The following POLR3E variants were observed in gnomAD, a reference collection of about 807,000 sequenced individuals.
The protein encoded by POLR3E is DNA-directed RNA polymerase III subunit RPC5.
A neutral mutation model predicts 96.6 loss-of-function variants in POLR3E; 41 were observed. That is an observed-to-expected ratio of 0.42 (90% CI 0.33 to 0.55). The LOEUF is 0.55. Among genes scored for constraint, POLR3E ranks in the 20% least tolerant of loss-of-function variants. The pLI is 0.06. For missense variants in POLR3E, 849 were observed against 952.1 expected, an observed-to-expected ratio of 0.89 and a Z score of 1.43; for synonymous variants, 396 against 383.6, an observed-to-expected ratio of 1.03 and a Z score of -0.38.
intron 12 of POLR3E, among the ~76,000 whole-genome samples, chr16:22,318,000 C>T (rs1006285132): frequency 2.0e-5 from 3 of 152,016 alleles, no homozygotes; most frequent in African/African-American, 7.3e-5. Context: ...CTGGGCTCGT[C>T]CTTTGAGATG....
In POLR3E at chr16:22,313,621, T is replaced by C; in HGVS notation, c.366T>C (p.Gly122=). ...TCCAAGCCCTTCTTCCTCCGCCAGG[T>C]GAGCTCCACCTGACACCTTTACATG... The part of the protein sequence containing the change: ...SRYAAALYRQ[G]ELHLTPLHGI... Residue 122 remains glycine, a splice_region_variant and synonymous_variant, in exon 7 of 21, where the codon GGT becomes GGC. Coordinates refer to ENST00000299853, the MANE Select transcript of POLR3E (RefSeq NM_018119.4). The surrounding 1 kb of genome is among the most constrained non-coding windows in gnomAD (Gnocchi z 4.1). 6.2e-7 allele frequency: 1 copy of C among 1,609,914 alleles called. No homozygotes were observed. The highest frequency in any genetic ancestry group is 8.5e-7 in the Non-Finnish European group (1 of 1,176,274).
rs769664423 is a variant in POLR3E, at chr16:22,305,336, T to C, written c.87+130T>C. ...TCGGTGTGGAGAGTGTCATGGGGTCTCTTTGCTTTCGTGGGTGGGTTAATA... is the reference window on the plus strand; with the variant it reads ...TCGGTGTGGAGAGTGTCATGGGGTCCCTTTGCTTTCGTGGGTGGGTTAATA... On this transcript the variant is annotated intron_variant, in intron 3 of 20. Coordinates refer to ENST00000299853, the MANE Select transcript of POLR3E (RefSeq NM_018119.4). 17 of 768,232 alleles carry C rather than the reference T, an allele frequency of 2.2e-5. No homozygotes were observed. The South Asian group carries it at 2.3e-4, about 11-fold the overall frequency. The allele number at this position is 768,232 out of a possible 1,614,324, so 47.6% of individuals were successfully genotyped here. A position where few individuals can be genotyped will look rare whatever the true frequency, so the allele number is the denominator to read the frequency against.
chr16:22,302,710 C>T (rs141261021), intron 1 of POLR3E: 35 of 539,034 alleles, frequency 6.5e-5, no homozygotes, highest in African/African-American at 6.1e-4. Context: ...CTTGGTCTAC[C>T]CGCTTGCACC....
chr16:22,332,145 G>T lies in POLR3E; in HGVS notation c.2030G>T (p.Gly677Val). Residue 677 changes from glycine (G) to valine (V), a missense_variant, in exon 20 of 21, where the codon GGA becomes GTA. Coordinates refer to ENST00000299853, the MANE Select transcript of POLR3E (RefSeq NM_018119.4). ...CAGTCTCGGTTGACTCAAGAGTGTG[G>T]AGAAGATCTCAGTAAACAGGAGGTG... Reference protein sequence around the residue: ...MIQSRLTQECGEDLSKQEVDK... With the variant: ...MIQSRLTQECVEDLSKQEVDK... 6.2e-7 allele frequency: 1 copy of T among 1,613,664 alleles called. No homozygotes were observed. Among genetic ancestry groups the T allele is most frequent in the Non-Finnish European group, 8.5e-7 (1 of 1,179,620 alleles).
chr16:22,303,553 G>A (rs572063145), intron 2 of POLR3E, among the ~76,000 whole-genome samples: 1 of 152,048 alleles, frequency 6.6e-6, no homozygotes, highest in East Asian at 1.9e-4. Context: ...GCAGGGCAGG[G>A]TCCCCTTCCC....
rs2048818167 is a variant in POLR3E at position 22,334,880 on chromosome 16, C to G, written c.*1180C>G. On this transcript the variant is annotated 3_prime_UTR_variant, in exon 21 of 21. Coordinates refer to ENST00000299853, the MANE Select transcript of POLR3E (RefSeq NM_018119.4). Reference sequence around the variant, plus strand: ...GGCTTTCGCCATCTTTTTTGTACAACACAGTCACTAATTGTCTGAAGGTTT... The same window carrying G: ...GGCTTTCGCCATCTTTTTTGTACAAGACAGTCACTAATTGTCTGAAGGTTT... 1 of 152,162 alleles carries G rather than the reference C, an allele frequency of 6.6e-6. No individual in the cohort carries two copies. The allele number at this position is 152,162 out of a possible 1,614,324, so 9.4% of individuals were successfully genotyped here. A position where few individuals can be genotyped will look rare whatever the true frequency, so the allele number is the denominator to read the frequency against.
intron 3 of POLR3E, among the ~76,000 whole-genome samples, chr16:22,307,918 C>A (rs1192611354): frequency 6.6e-6 from 1 of 152,116 alleles, no homozygotes; most frequent in East Asian, 1.9e-4. Context: ...TCAGAGACAT[C>A]CTGCAGTGGC....
chr16:22,314,238 CT>C (rs1281038531), intron 8 of POLR3E, 110 bp downstream of exon 8: 7 of 828,224 alleles, frequency 8.5e-6, no homozygotes, highest in African/African-American at 1.7e-5. Flanking sequence ...AGGGCCCATG[CT>C]TTTGAGCCTT....
At position 22,314,198 on chromosome 16, in the gene POLR3E, G is replaced by A. The variant is rs1050072639; in HGVS notation, c.522+70G>A. ...GCAGGACCAGAGACCAAGGGGTAGC[G>A]GGTCTTCACAGAATGCAGGTGGAGC... On this transcript the variant is annotated intron_variant, in intron 8 of 20. Coordinates refer to ENST00000299853, the MANE Select transcript of POLR3E (RefSeq NM_018119.4). 12 of 1,256,622 alleles carry A rather than the reference G, an allele frequency of 9.5e-6. No individual in the cohort carries two copies. In the African/African-American group the frequency reaches 1.0e-4, roughly 11 times the overall value. 77.8% of individuals were successfully genotyped at this position (1,256,622 alleles called of 1,614,324 possible).
chr16:22,331,785 A>G (rs1598280882), intron 19 of POLR3E: 2 of 287,680 alleles, frequency 7.0e-6, no homozygotes, highest in East Asian at 1.7e-4. Context: ...TCTCTTCACC[A>G]GTTCTTTTGT....
chr16:22,308,781 A>T, intron 4 of POLR3E, 144 bp from the exon 5 acceptor site: 1 of 601,180 alleles, frequency 1.7e-6, no homozygotes, highest in Non-Finnish European at 3.0e-6. Context: ...TGTGGACTGA[A>T]GTCCAGGGGC....
chr16:22,316,745 T>C, intron 10 of POLR3E, 59 bp downstream of exon 10: 1 of 1,345,200 alleles, frequency 7.4e-7, no homozygotes, highest in Non-Finnish European at 1.1e-6. Context: ...CCAGGGGTCC[T>C]TGGTGTGGAT....
Position 22,322,160 on chromosome 16 carries a change from T to C in POLR3E, c.987-690T>C, listed in dbSNP as rs1394258027. On this transcript the variant is annotated intron_variant, in intron 13 of 20. Transcript: ENST00000299853. The surrounding 1 kb of genome is among the most constrained non-coding windows in gnomAD (Gnocchi z 5.2). ...GCCTTGCAGGATGAGTGACAGTTGG[T>C]TGCCAGGTGGACCTGAGCAGGGGGA... 6.6e-6 allele frequency among the ~76,000 whole-genome samples: 1 copy of C among 152,134 alleles called. No individual in the cohort carries two copies. Among genetic ancestry groups the C allele is most frequent in the Non-Finnish European group, 1.5e-5 (1 of 68,016 alleles).
chr16:22,306,200 G>A (rs2048129261), intron 3 of POLR3E, among the ~76,000 whole-genome samples: 2 of 152,152 alleles, frequency 1.3e-5, no homozygotes, highest in African/African-American at 2.4e-5. Context: ...TTTGCATGAT[G>A]TTTTCAGGGC....
Position 22,302,984 on chromosome 16 carries a change from G to A in POLR3E, c.16G>A (p.Asp6Asn). 1 of 1,614,062 alleles carries A rather than the reference G, an allele frequency of 6.2e-7. No homozygotes were observed. The highest frequency in any genetic ancestry group is 2.2e-5 in the East Asian group (1 of 44,876). Residue 6 changes from aspartate to asparagine, a missense_variant, in exon 2 of 21, where the codon GAT becomes AAT. Asp to Asn is a conservative substitution (Grantham distance 23). Coordinates refer to ENST00000299853, the MANE Select transcript of POLR3E (RefSeq NM_018119.4). ...CTCCTCTAGTATGGCCAATGAAGAG[G>A]ATGACCCAGTTGTACAGGAGGTAAC... Reference protein sequence around the residue: MANEEDDPVVQEIDVY... With the variant: MANEENDPVVQEIDVY...
At position 22,324,431 on chromosome 16, in the gene POLR3E, G is replaced by C; in HGVS notation, c.1128+18G>C. The C allele has an allele frequency of 1.2e-6, 2 of 1,611,604 alleles. No homozygotes were observed. Among genetic ancestry groups the C allele is most frequent in the Non-Finnish European group, 1.7e-6 (2 of 1,178,844 alleles). On this transcript the variant is annotated intron_variant, in intron 15 of 20. Coordinates refer to ENST00000299853, the MANE Select transcript of POLR3E (RefSeq NM_018119.4). Reference sequence around the variant, plus strand: ...TGACCAAAGTAAGTGGCGTTTTTGTGGTCTGAGGCCCAGGCTGCTGCTGGA... The same window carrying C: ...TGACCAAAGTAAGTGGCGTTTTTGTCGTCTGAGGCCCAGGCTGCTGCTGGA...
At chr16:22,323,815 A>G (rs899461351) in intron 14 of POLR3E, among the ~76,000 whole-genome samples, 2 of 152,088 alleles carry the variant, frequency 1.3e-5, no homozygotes, top group East Asian at 3.9e-4. Flanking sequence ...GGTCCAGTCT[A>G]TGTTAGCGTA....
Position 22,318,849 on chromosome 16 carries a change from TTGA to T in POLR3E, c.893_895del (p.Met298del), listed in dbSNP as rs1221700752. 1 of 1,613,528 alleles carries T rather than the reference TTGA, an allele frequency of 6.2e-7. No individual in the cohort carries two copies. Among genetic ancestry groups the T allele is most frequent in the Non-Finnish European group, 8.5e-7 (1 of 1,179,626 alleles). ...AGTGAAGGTCATGCCTTTTGCCAAC[TTGA>T]TGAGCCTCCTGGGCCCCTCCATCGA... On this transcript the variant is annotated inframe_deletion, in exon 13 of 21. Coordinates refer to ENST00000299853, the MANE Select transcript of POLR3E (RefSeq NM_018119.4). The surrounding 1 kb of genome is among the most constrained non-coding windows in gnomAD (Gnocchi z 5.0).
Position 22,324,520 on chromosome 16 carries a change from G to A in POLR3E, c.1146G>A (p.Val382=), listed in dbSNP as rs2048537914. Residue 382 remains valine, a synonymous_variant, in exon 16 of 21, where the codon GTG becomes GTA. Transcript: ENST00000299853. ...ATVTKLCAED[V]KDFLEHMAVV... is the part of the protein sequence containing the mutation. ...CCCTCCAGCTCTGCGCCGAGGATGTGAAGGACTTCCTGGAGCACATGGCCG... is the reference window on the plus strand; with the variant it reads ...CCCTCCAGCTCTGCGCCGAGGATGTAAAGGACTTCCTGGAGCACATGGCCG... 6.2e-7 allele frequency: 1 copy of A among 1,612,274 alleles called. No individual in the cohort carries two copies. Among genetic ancestry groups the A allele is most frequent in the Non-Finnish European group, 8.5e-7 (1 of 1,179,276 alleles).
Sources: gnomAD v4.1 joint callset for allele counts (sites outside exome capture counted in the v4.1 genomes callset) on GRCh38, gnomAD v4.1.1 for gene constraint, Gnocchi (gnomAD v3.1) non-coding constraint, MANE v1.5 for transcripts, NCBI Gene and HGNC (gene_info 2026-07-23, HGNC 2026-07-21) for gene names.